MAML1: variants seen among roughly 807,000 people sequenced by gnomAD.
MAML1 encodes the protein mastermind like transcriptional coactivator 1.
MAML1 carries 14 observed loss-of-function variants against 77.1 expected under a neutral mutation model. The observed-to-expected ratio is 0.18, with a 90% CI of 0.12 to 0.28. The LOEUF is 0.28. MAML1 is among the 10% of genes least tolerant of loss of function. The pLI, the probability that MAML1 is intolerant of heterozygous loss-of-function variation, is 1.00. For missense variants in MAML1, 1,217 were observed against 1,327.8 expected, an observed-to-expected ratio of 0.92 and a Z score of 1.30; for synonymous variants, 516 against 551.9, an observed-to-expected ratio of 0.93 and a Z score of 0.91.
At position 179,771,020 on chromosome 5, in the gene MAML1, A is replaced by C. The variant is rs1339663211; in HGVS notation, c.1972-127A>C. ...AAAACCCCAAAATGAAATCAGCACT[A>C]TTTCCACAGGAGCCCATTTGTGAGT... On this transcript the variant is annotated intron_variant, in intron 3 of 4. Transcript: ENST00000292599. This position sits in a 1 kb window ranked among gnomAD's most constrained non-coding sequence, Gnocchi z 4.7. 15 of 680,452 alleles carry C rather than the reference A, an allele frequency of 2.2e-5. 1 individual carries two copies. 42.2% of individuals were successfully genotyped at this position (680,452 alleles called of 1,614,324 possible).
At chr5:179,772,088 G>A (rs376857706) in intron 4 of MAML1, among the ~76,000 whole-genome samples, 52 of 152,250 alleles carry the variant, frequency 3.4e-4, no homozygotes, top group East Asian at 2.3e-3. Context: ...TGAAATAGCC[G>A]GTTTCAGCTC....
In MAML1 at chr5:179,777,156, A is replaced by C. The variant is rs963484602; in HGVS notation, c.*2279A>C. ...TATTGTTAACTTTTTATTGTCATCAAAAGTTCATAAAAGTCCTATTAATCC... is the reference window on the plus strand; with the variant it reads ...TATTGTTAACTTTTTATTGTCATCACAAGTTCATAAAAGTCCTATTAATCC... On this transcript the variant is annotated 3_prime_UTR_variant, in exon 5 of 5. Coordinates refer to ENST00000292599, the MANE Select transcript of MAML1 (RefSeq NM_014757.5). 1 of 984,660 alleles carries C rather than the reference A, an allele frequency of 1.0e-6. No individual in the cohort carries two copies. The highest frequency in any genetic ancestry group is 1.2e-6 in the Non-Finnish European group (1 of 829,042). The allele number at this position is 984,660 out of a possible 1,614,324, so 61.0% of individuals were successfully genotyped here. A position where few individuals can be genotyped will look rare whatever the true frequency, so the allele number is the denominator to read the frequency against.
chr5:179,769,507 C>T lies in MAML1; in HGVS notation c.1971+418C>T, dbSNP rs539175252. On this transcript the variant is annotated intron_variant, in intron 3 of 4. Transcript: ENST00000292599. This position sits in a 1 kb window ranked among gnomAD's most constrained non-coding sequence, Gnocchi z 4.2. ...ATCCCTGAGGGAAACACAGTTCACT[C>T]GCTTGGTTAGCAAGTGTAGTGTGCA... 4.4e-4 allele frequency among the ~76,000 whole-genome samples: 67 copies of T among 151,912 alleles called. No individual in the cohort carries two copies. Among genetic ancestry groups the T allele is most frequent in the Non-Finnish European group, 4.4e-4 (30 of 67,968 alleles).
At chr5:179,773,768 C>T (rs1436825747) in intron 4 of MAML1, 127 bp from the exon 5 acceptor site, 1 of 1,499,540 alleles carries the variant, frequency 6.7e-7, no homozygotes, top group Non-Finnish European at 8.8e-7. Context: ...AGGCTTTCTG[C>T]CCCATGGCCC....
intron 4 of MAML1, among the ~76,000 whole-genome samples, chr5:179,772,893 CTTTG>C (rs569711511): frequency 3.3e-5 from 5 of 152,090 alleles, no homozygotes; most frequent in South Asian, 2.1e-4. Context: ...CAACCCTGTT[CTTTG>C]TTTGTTTGTT....
In MAML1 at chr5:179,766,308, C is replaced by T. The variant is rs199501746; in HGVS notation, c.1298C>T (p.Thr433Met). 1.7e-5 allele frequency: 28 copies of T among 1,611,976 alleles called. No homozygotes were observed. The highest frequency in any genetic ancestry group is 4.0e-5 in the African/African-American group (3 of 75,028). The change falls in exon 2 of 5, where the codon ACG (threonine) becomes ATG (methionine). Residue 433 changes from threonine to methionine, a missense_variant. Coordinates refer to ENST00000292599, the MANE Select transcript of MAML1 (RefSeq NM_014757.5). The surrounding 1 kb of genome is among the most constrained non-coding windows in gnomAD (Gnocchi z 4.0). Reference sequence around the variant, plus strand: ...GGCCAGATGTCCACATGGCAGCAGACGGGGCCCTCCCACAGTTCCTTAGAT... The same window carrying T: ...GGCCAGATGTCCACATGGCAGCAGATGGGGCCCTCCCACAGTTCCTTAGAT... Reference protein sequence around the residue: ...APGQMSTWQQTGPSHSSLDVP... With the variant: ...APGQMSTWQQMGPSHSSLDVP...
chr5:179,743,322 G>A (rs1046751095), intron 1 of MAML1, among the ~76,000 whole-genome samples: 4 of 150,022 alleles, frequency 2.7e-5, no homozygotes, highest in African/African-American at 9.8e-5. Flanking sequence ...AAAGTGCTGG[G>A]ATTACAGGCG....
chr5:179,734,378 C>T (rs1054686146), intron 1 of MAML1, among the ~76,000 whole-genome samples: 4 of 152,174 alleles, frequency 2.6e-5, no homozygotes, highest in South Asian at 2.1e-4. Context: ...AAATCCTTCT[C>T]TTGCTTGAAA....
rs766710506 is a variant in MAML1 at position 179,774,537 on chromosome 5, C to T, written c.2711C>T (p.Pro904Leu). 38 of 1,612,926 alleles carry T rather than the reference C, an allele frequency of 2.4e-5. No homozygotes were observed. In the African/African-American group the frequency reaches 4.0e-4, roughly 17 times the overall value. Reference sequence around the variant, plus strand: ...GCAGCTGCCGTGGGGTCCTTGCTACCCCCAGTGAGTGCACAGCAGAGGACC... The same window carrying T: ...GCAGCTGCCGTGGGGTCCTTGCTACTCCCAGTGAGTGCACAGCAGAGGACC... ...SSAAAVGSLL[P>L]PVSAQQRTSA... The change falls in exon 5 of 5, where the codon CCC becomes CTC. Residue 904 changes from proline (P) to leucine (L), a missense_variant. Physicochemically the swap from Pro to Leu is moderately conservative, Grantham distance 98. Coordinates refer to ENST00000292599, the MANE Select transcript of MAML1 (RefSeq NM_014757.5).
At position 179,771,534 on chromosome 5, in the gene MAML1, T is replaced by C. The variant is rs568859911; in HGVS notation, c.2068+291T>C. On this transcript the variant is annotated intron_variant, in intron 4 of 4. Transcript: ENST00000292599. The surrounding 1 kb of genome is among the most constrained non-coding windows in gnomAD (Gnocchi z 4.7). ...GACATCTTATCAGCAGGAAATAGCT[T>C]CTGTAATTCTCAAGAAAGTTCTTTG... 1.3e-5 allele frequency among the ~76,000 whole-genome samples: 2 copies of C among 152,326 alleles called. No homozygotes were observed. The highest frequency in any genetic ancestry group is 4.1e-4 in the South Asian group (2 of 4,830).
Position 179,733,293 on chromosome 5 carries a change from C to G in MAML1, c.181C>G (p.Gln61Glu). 1 of 1,452,016 alleles carries G rather than the reference C, an allele frequency of 6.9e-7. No individual in the cohort carries two copies. The highest frequency in any genetic ancestry group is 9.1e-7 in the Non-Finnish European group (1 of 1,102,954). The allele number at this position is 1,452,016 out of a possible 1,614,324, so 89.9% of individuals were successfully genotyped here. A position where few individuals can be genotyped will look rare whatever the true frequency, so the allele number is the denominator to read the frequency against. Residue 61 changes from glutamine (Q) to glutamate (E), a missense_variant, in exon 1 of 5, where the codon CAG becomes GAG. By Grantham distance (29) the Gln-to-Glu change is conservative. Around this residue, in one of 3 missense-constraint regions of MAML1, gnomAD observed 312 missense variants for 331.4 expected, o/e 0.94. Transcript: ENST00000292599. The part of the protein sequence containing the change: ...LERQHTFALH[Q>E]RCIQAKAKRA... ...GCGCCAACACACCTTCGCCCTGCAC[C>G]AGCGCTGCATCCAGGCCAAGGCCAA...
In MAML1 at chr5:179,775,959, A is replaced by T. The variant is rs1756127421; in HGVS notation, c.*1082A>T. 1.0e-6 allele frequency: 1 copy of T among 985,742 alleles called. No individual in the cohort carries two copies. Among genetic ancestry groups the T allele is most frequent in the Non-Finnish European group, 1.2e-6 (1 of 829,934 alleles). 61.1% of individuals were successfully genotyped at this position (985,742 alleles called of 1,614,324 possible). ...AGGCCGGCCCGGAGGAAGCAATTCC[A>T]CTTGGTTTGACAACTTCTGCCACTC... is the stretch of plus-strand genomic sequence containing the variant. On this transcript the variant is annotated 3_prime_UTR_variant, in exon 5 of 5. Coordinates refer to ENST00000292599, the MANE Select transcript of MAML1 (RefSeq NM_014757.5).
intron 1 of MAML1, among the ~76,000 whole-genome samples, chr5:179,749,048 C>T (rs1463874359): frequency 6.6e-6 from 1 of 152,032 alleles, no homozygotes; most frequent in Non-Finnish European, 1.5e-5. Context: ...TCACTGCAAC[C>T]TCCACCTCCT....
At position 179,776,558 on chromosome 5, in the gene MAML1, C is replaced by T; in HGVS notation, c.*1681C>T. 1.0e-6 allele frequency: 1 copy of T among 985,650 alleles called. No individual in the cohort carries two copies. The highest frequency in any genetic ancestry group is 1.2e-6 in the Non-Finnish European group (1 of 829,928). 61.1% of individuals were successfully genotyped at this position (985,650 alleles called of 1,614,324 possible). A position where few individuals can be genotyped will look rare whatever the true frequency, so the allele number is the denominator to read the frequency against. On this transcript the variant is annotated 3_prime_UTR_variant, in exon 5 of 5. Coordinates refer to ENST00000292599, the MANE Select transcript of MAML1 (RefSeq NM_014757.5). ...TTTAGCTCTCAAAGAAGGGGTGAAT[C>T]ATAAAGCCAGTGAAAATTTCACCCT...
At position 179,776,911 on chromosome 5, in the gene MAML1, GC is replaced by G; in HGVS notation, c.*2038del. ...GGAGATGACTTTGCTTCTGTGCACA[GC>G]CCCGTCTTCCAGGAGCCACAACTCA... On this transcript the variant is annotated 3_prime_UTR_variant, in exon 5 of 5. Transcript: ENST00000292599. 1.0e-6 allele frequency: 1 copy of G among 985,876 alleles called. No homozygotes were observed. The highest frequency in any genetic ancestry group is 1.7e-5 in the African/African-American group (1 of 57,366). The allele number at this position is 985,876 out of a possible 1,614,324, so 61.1% of individuals were successfully genotyped here.
At position 179,744,032 on chromosome 5, in the gene MAML1, A is replaced by G. The variant is rs558162835; in HGVS notation, c.315+10605A>G. On this transcript the variant is annotated intron_variant, in intron 1 of 4. Coordinates refer to ENST00000292599, the MANE Select transcript of MAML1 (RefSeq NM_014757.5). ...CATCAACTGTTTAAAGAATGCTTTA[A>G]CAGAAATTTTAAATTCCTTTTTCTC... Among the ~76,000 whole-genome samples the G allele has an allele frequency of 2.0e-5, 3 of 152,218 alleles. No homozygotes were observed. The South Asian group carries it at 6.2e-4, about 32-fold the overall frequency.
At chr5:179,752,586 T>G (rs1168434277) in intron 1 of MAML1, among the ~76,000 whole-genome samples, 1 of 148,060 alleles carries the variant, frequency 6.8e-6, no homozygotes. Context: ...GTTTAACACT[T>G]TATTAGATAC....
chr5:179,733,644 T>G (rs1306373198), intron 1 of MAML1, among the ~76,000 whole-genome samples: 1 of 152,248 alleles, frequency 6.6e-6, no homozygotes, highest in Non-Finnish European at 1.5e-5. Context: ...TTGAGGGCCT[T>G]GCAGGAGGCC....
chr5:179,735,583 G>C (rs1445231185), intron 1 of MAML1, among the ~76,000 whole-genome samples: 1 of 152,012 alleles, frequency 6.6e-6, no homozygotes, highest in Non-Finnish European at 1.5e-5. Context: ...TAGAGATGGG[G>C]TTTCACCATG....
Sources: allele counts gnomAD v4.1 joint callset (sites outside exome capture counted in the v4.1 genomes callset), GRCh38; gene constraint gnomAD v4.1.1; regional missense constraint gnomAD v4.1.1; non-coding constraint Gnocchi (gnomAD v3.1); transcripts MANE v1.5; gene names NCBI Gene and HGNC (gene_info 2026-07-23, HGNC 2026-07-21).